PIAS2: variants seen among roughly 807,000 people sequenced by gnomAD.
PIAS2 encodes the protein protein inhibitor of activated STAT 2.
In PIAS2, 19 loss-of-function variants were observed where a neutral mutation model predicts 69.7. The observed-to-expected ratio is 0.27, with a 90% CI of 0.19 to 0.40. PIAS2 has a LOEUF of 0.40. Among genes scored for constraint, PIAS2 ranks in the 10% least tolerant of loss-of-function variants. The pLI is 1.00. For synonymous variants in PIAS2, 261 were observed against 263.2 expected, an observed-to-expected ratio of 0.99 and a Z score of 0.08; for missense variants, 624 against 757.0, an observed-to-expected ratio of 0.82 and a Z score of 2.06.
rs930346706 is a variant in PIAS2 at position 46,882,982 on chromosome 18, T to C, written c.499+7598A>G. Among the ~76,000 whole-genome samples, 119 of 151,340 alleles carry C rather than the reference T, an allele frequency of 7.9e-4. 2 individuals are homozygous for C. The highest frequency in any genetic ancestry group is 2.7e-3 in the African/African-American group (111 of 41,214). Reference sequence around the variant, plus strand: ...TGGCGGGTGCCTAGAATCCCAGCTATTGGGGAGGCTGCGGCAGGAAAAAAA... The same window carrying C: ...TGGCGGGTGCCTAGAATCCCAGCTACTGGGGAGGCTGCGGCAGGAAAAAAA... On this transcript the variant is annotated intron_variant, in intron 2 of 13. Coordinates refer to ENST00000585916, the MANE Select transcript of PIAS2 (RefSeq NM_004671.5).
At chr18:46,845,092 A>G (rs1599656462) in intron 6 of PIAS2, 2 of 246,638 alleles carry the variant, frequency 8.1e-6, no homozygotes, top group East Asian at 1.5e-4. Context: ...TATAGGTTAG[A>G]TCAATGGTTT....
intron 1 of PIAS2, among the ~76,000 whole-genome samples, chr18:46,893,118 T>C (rs149644226): frequency 3.1e-4 from 47 of 152,252 alleles, no homozygotes; most frequent in Non-Finnish European, 5.9e-4. Context: ...AAGAAAACTT[T>C]TGGCCTATCT....
intron 1 of PIAS2, among the ~76,000 whole-genome samples, chr18:46,904,756 A>G (rs1381639256): frequency 6.7e-6 from 1 of 148,874 alleles, no homozygotes; most frequent in Non-Finnish European, 1.5e-5. Context: ...ATCCGTCTCA[A>G]AAAAAAAAAA....
chr18:46,860,967 G>A (rs1245667122), intron 3 of PIAS2, among the ~76,000 whole-genome samples: 1 of 152,018 alleles, frequency 6.6e-6, no homozygotes, highest in Non-Finnish European at 1.5e-5. Flanking sequence ...AACAGAGCAA[G>A]ACCTTCTCTC....
At chr18:46,855,087 T>C (rs1427894016) in intron 5 of PIAS2, among the ~76,000 whole-genome samples, 1 of 115,572 alleles carries the variant, frequency 8.7e-6, no homozygotes, top group Non-Finnish European at 1.6e-5. Flanking sequence ...GGGAACACAG[T>C]AGGACCTTGT....
chr18:46,890,668 G>A lies in PIAS2; in HGVS notation c.411C>T (p.Pro137=). The change falls in exon 2 of 14, where the codon CCC becomes CCT. Residue 137 remains proline (P), a synonymous_variant. Coordinates refer to ENST00000585916, the MANE Select transcript of PIAS2 (RefSeq NM_004671.5). ...CATCAGGATGGACAGGAGGAATTGG[G>A]GGAGATGGCTGCTGCATCTCAAATG... ...KPTFEMQQPS[P]PIPPVHPDVQ... is the part of the protein sequence containing the mutation. 2 of 1,614,088 alleles carry A rather than the reference G, an allele frequency of 1.2e-6. No homozygotes were observed. Among genetic ancestry groups the A allele is most frequent in the Non-Finnish European group, 8.5e-7 (1 of 1,179,968 alleles).
rs116005265 is a variant in PIAS2, at chr18:46,890,674, T to C, written c.405A>G (p.Pro135=). 1.2e-3 allele frequency: 1,956 copies of C among 1,614,120 alleles called. 25 individuals are homozygous for C. In the African/African-American group the frequency reaches 0.023, roughly 19 times the overall value. The change falls in exon 2 of 14, where the codon CCA becomes CCG. Residue 135 remains proline (P), a synonymous_variant. Coordinates refer to ENST00000585916, the MANE Select transcript of PIAS2 (RefSeq NM_004671.5). ...DTKPTFEMQQ[P]SPPIPPVHPD... Reference sequence around the variant, plus strand: ...GATGGACAGGAGGAATTGGGGGAGATGGCTGCTGCATCTCAAATGTGGGCT... The same window carrying C: ...GATGGACAGGAGGAATTGGGGGAGACGGCTGCTGCATCTCAAATGTGGGCT...
chr18:46,887,658 T>C (rs2053428369), intron 2 of PIAS2, among the ~76,000 whole-genome samples: 1 of 152,234 alleles, frequency 6.6e-6, no homozygotes, highest in South Asian at 2.1e-4. Context: ...CCTGTGCCAC[T>C]TTAGAAATAA....
chr18:46,819,409 C>T (rs1447850450), intron 12 of PIAS2, among the ~76,000 whole-genome samples: 1 of 152,076 alleles, frequency 6.6e-6, no homozygotes, highest in Admixed American at 6.6e-5. Context: ...ATACCAACTC[C>T]CAAATTACAT....
chr18:46,848,837 A>G (rs2046546668), intron 5 of PIAS2, among the ~76,000 whole-genome samples: 1 of 141,440 alleles, frequency 7.1e-6, no homozygotes, highest in Non-Finnish European at 1.5e-5. Context: ...TGCTCAAGTG[A>G]AAAAAAAAAA....
intron 2 of PIAS2, among the ~76,000 whole-genome samples, chr18:46,865,927 G>A (rs139049322): frequency 7.9e-5 from 12 of 151,884 alleles, no homozygotes; most frequent in Admixed American, 3.9e-4. Flanking sequence ...TTTCTTGTTC[G>A]GACTCCACTT....
chr18:46,914,569 A>G (rs1599153672), intron 1 of PIAS2, among the ~76,000 whole-genome samples: 1 of 91,418 alleles, frequency 1.1e-5, no homozygotes, highest in Non-Finnish European at 2.3e-5. Flanking sequence ...CCCCCCCCCA[A>G]CTCCACCCCC....
chr18:46,850,542 G>T (rs1022450540), intron 5 of PIAS2, among the ~76,000 whole-genome samples: 1 of 152,000 alleles, frequency 6.6e-6, no homozygotes, highest in African/African-American at 2.4e-5. Context: ...AGTTGTATAA[G>T]CTTGATTAAA....
intron 2 of PIAS2, among the ~76,000 whole-genome samples, chr18:46,872,591 G>C (rs1309430774): frequency 6.6e-6 from 1 of 152,154 alleles, no homozygotes; most frequent in Non-Finnish European, 1.5e-5. Context: ...CCATTTACAA[G>C]AGAAGGGGTT....
intron 2 of PIAS2, 150 bp from the exon 3 acceptor site, chr18:46,864,398 C>A (rs566823777): frequency 6.8e-6 from 4 of 588,798 alleles, no homozygotes; most frequent in Middle Eastern, 4.5e-4. Flanking sequence ...TACTAAACTG[C>A]ATTCATCTTG....
At chr18:46,902,944 TA>T (rs2056106896) in intron 1 of PIAS2, among the ~76,000 whole-genome samples, 1 of 152,104 alleles carries the variant, frequency 6.6e-6, no homozygotes. Context: ...GATAAAGGTG[TA>T]AAATTAACTC....
In PIAS2 at chr18:46,895,419, C is replaced by G. The variant is rs143568767; in HGVS notation, c.25-4365G>C. 6.6e-4 allele frequency among the ~76,000 whole-genome samples: 100 copies of G among 152,232 alleles called. 1 individual carries two copies. In the East Asian group the frequency reaches 0.017, roughly 26 times the overall value. Reference sequence around the variant, plus strand: ...GACACGGTGGCTCACACCTGTAACCCCAGCACTTCGGGAGGCCAAAGCGGG... The same window carrying G: ...GACACGGTGGCTCACACCTGTAACCGCAGCACTTCGGGAGGCCAAAGCGGG... On this transcript the variant is annotated intron_variant, in intron 1 of 13. Coordinates refer to ENST00000585916, the MANE Select transcript of PIAS2 (RefSeq NM_004671.5).
At chr18:46,831,246 A>T (rs2043572869) in intron 9 of PIAS2, among the ~76,000 whole-genome samples, 1 of 152,210 alleles carries the variant, frequency 6.6e-6, no homozygotes. Context: ...CTATATTTCT[A>T]TATATTAGCC....
At chr18:46,917,544 C>G (rs1167719773), upstream of PIAS2, 8 of 1,135,846 alleles carry the variant, frequency 7.0e-6, no homozygotes, top group Non-Finnish European at 8.6e-6. Flanking sequence ...CGCGCCGAAG[C>G]CCCGCCCCTA....
Sources: gnomAD v4.1 joint callset for allele counts (sites outside exome capture counted in the v4.1 genomes callset) on GRCh38, gnomAD v4.1.1 for gene constraint, MANE v1.5 for transcripts, NCBI Gene and HGNC (gene_info 2026-07-23, HGNC 2026-07-21) for gene names.